The following CTSE variants were observed in gnomAD, a reference collection of about 807,000 sequenced individuals.
CTSE encodes erythrocyte membrane aspartic proteinase.
CTSE carries 43 observed loss-of-function variants against 42.8 expected under a neutral mutation model. The ratio of observed to expected loss-of-function variants is 1.01; its 90% CI spans 0.79 to 1.30. The LOEUF (loss-of-function observed/expected upper bound fraction) is 1.30. Ranked by LOEUF, CTSE falls within the 50% of genes most tolerant of loss-of-function variation. CTSE has a pLI of 0.00. For missense variants in CTSE, 532 were observed against 493.5 expected, an observed-to-expected ratio of 1.08 and a Z score of -0.74; for synonymous variants, 205 against 191.5, an observed-to-expected ratio of 1.07 and a Z score of -0.58.
In CTSE at chr1:206,023,889, C is replaced by T. The variant is rs1294787136; in HGVS notation, c.-98G>A. ...TCCCTAACTCTCAGACCTGCCCAGC[C>T]CAGTCTGAGGGCCGAATGATAAGGC... On this transcript the variant is annotated 5_prime_UTR_variant, in exon 1 of 9. Coordinates refer to ENST00000358184, the MANE Select transcript of CTSE (RefSeq NM_001910.4). 14 of 1,190,364 alleles carry T rather than the reference C, an allele frequency of 1.2e-5. No homozygotes were observed. The South Asian group carries it at 1.6e-4, about 14-fold the overall frequency. The allele number at this position is 1,190,364 out of a possible 1,614,324, so 73.7% of individuals were successfully genotyped here. A position where few individuals can be genotyped will look rare whatever the true frequency, so the allele number is the denominator to read the frequency against.
chr1:206,010,773 G>C (rs188256474), intron 8 of CTSE, among the ~76,000 whole-genome samples: 343 of 152,206 alleles, frequency 2.3e-3, no homozygotes, highest in African/African-American at 7.8e-3. Flanking sequence ...AGAAAGAACT[G>C]TGTTAGTGGC....
intron 4 of CTSE, among the ~76,000 whole-genome samples, chr1:206,019,323 G>T (rs1466635303): frequency 1.3e-5 from 2 of 152,054 alleles, no homozygotes; most frequent in Non-Finnish European, 2.9e-5. Context: ...GAGAAAAAGG[G>T]CCAGTTGGAA....
In CTSE at chr1:206,009,998, A is replaced by AGTGTGTGTGTGTGTATATGT. The variant is rs1362296560; in HGVS notation, c.*165_*184dup. On this transcript the variant is annotated 3_prime_UTR_variant, in exon 9 of 9. Transcript: ENST00000358184. ...TGGTGGGAGTGGTGTGTATGTGTGA[A>AGTGTGTGTGTGTGTATATGT]GTGTGTGTGTGTGTATATGTGTGTG... 11 of 586,938 alleles carry AGTGTGTGTGTGTGTATATGT rather than the reference A, an allele frequency of 1.9e-5. No individual in the cohort carries two copies. The highest frequency in any genetic ancestry group is 3.3e-5 in the Non-Finnish European group (11 of 329,956). The allele number at this position is 586,938 out of a possible 1,614,324, so 36.4% of individuals were successfully genotyped here. A position where few individuals can be genotyped will look rare whatever the true frequency, so the allele number is the denominator to read the frequency against.
chr1:206,012,185 G>T (rs916720555), intron 8 of CTSE, 123 bp downstream of exon 8: 3 of 760,206 alleles, frequency 3.9e-6, no homozygotes, highest in African/African-American at 1.7e-5. Flanking sequence ...TGCCACATGA[G>T]AGCAGAACAA....
Position 206,022,004 on chromosome 1 carries a change from G to A in CTSE, c.343+146C>T, listed in dbSNP as rs1661443048. ...CTATCTCTGCTATAAGCAGTTCCAC[G>A]GCTGACTCAAAGATGGAGAGTGGAA... On this transcript the variant is annotated intron_variant, in intron 3 of 8. Coordinates refer to ENST00000358184, the MANE Select transcript of CTSE (RefSeq NM_001910.4). 13 of 570,402 alleles carry A rather than the reference G, an allele frequency of 2.3e-5. No individual in the cohort carries two copies. The East Asian group carries it at 2.4e-4, about 10-fold the overall frequency. The allele number at this position is 570,402 out of a possible 1,614,324, so 35.3% of individuals were successfully genotyped here.
chr1:206,012,363 G>T lies in CTSE; in HGVS notation c.971C>A (p.Thr324Asn). The T allele has an allele frequency of 6.2e-7, 1 of 1,614,002 alleles. No homozygotes were observed. The highest frequency in any genetic ancestry group is 8.5e-7 in the Non-Finnish European group (1 of 1,179,932). ...ATAGGGGACTCCGTTAATGGTGAAG[G>T]TGACATCCGGCATGACGTTAAGGTT... ...CANLNVMPDVTFTINGVPYTL... is the reference protein window; with the variant it reads ...CANLNVMPDVNFTINGVPYTL... The change falls in exon 8 of 9, where the codon ACC becomes AAC. Residue 324 changes from threonine to asparagine, a missense_variant. Coordinates refer to ENST00000358184, the MANE Select transcript of CTSE (RefSeq NM_001910.4).
chr1:206,023,721 C>T lies in CTSE; in HGVS notation c.68+3G>A. 1.9e-6 allele frequency: 3 copies of T among 1,613,388 alleles called. No homozygotes were observed. Among genetic ancestry groups the T allele is most frequent in the African/African-American group, 1.3e-5 (1 of 75,022 alleles). ...TGAACACAGTGCGGGGACGTCTTCT[C>T]ACCTGTGAAGGGATCCTTGGGCCTC... is the stretch of plus-strand genomic sequence containing the variant. On this transcript the variant is annotated splice_donor_region_variant and intron_variant, in intron 1 of 8. Coordinates refer to ENST00000358184, the MANE Select transcript of CTSE (RefSeq NM_001910.4).
At chr1:206,012,831 GCACA>G (rs557456587) in intron 6 of CTSE, among the ~76,000 whole-genome samples, 182 bp from the exon 7 acceptor site, 2 of 151,868 alleles carry the variant, frequency 1.3e-5, no homozygotes, top group African/African-American at 4.8e-5. Flanking sequence ...TTGACCCAGT[GCACA>G]CACACACACA....
At chr1:206,015,429 C>T (rs1295026012) in intron 5 of CTSE, among the ~76,000 whole-genome samples, 3 of 152,062 alleles carry the variant, frequency 2.0e-5, no homozygotes, top group African/African-American at 7.2e-5. Context: ...AGCATTATGT[C>T]CTCAAGTTTC....
At chr1:206,018,340 G>T (rs1441524923) in intron 4 of CTSE, among the ~76,000 whole-genome samples, 4 of 151,828 alleles carry the variant, frequency 2.6e-5, no homozygotes, top group African/African-American at 9.7e-5. Flanking sequence ...TAGAACTTTT[G>T]CATCTATATT....
At chr1:206,013,625 A>T in intron 6 of CTSE, 147 bp downstream of exon 6, 2 of 983,440 alleles carry the variant, frequency 2.0e-6, no homozygotes, top group Non-Finnish European at 3.0e-6. Context: ...CTTCCTGCAC[A>T]CTTGCTCAGC....
chr1:206,020,447 A>C (rs1410047214), intron 4 of CTSE, among the ~76,000 whole-genome samples: 1 of 151,984 alleles, frequency 6.6e-6, no homozygotes, highest in African/African-American at 2.4e-5. Context: ...CCAGGCATAT[A>C]TTGCTGTCTA....
chr1:206,020,954 C>T, intron 4 of CTSE, 95 bp downstream of exon 4: 1 of 905,634 alleles, frequency 1.1e-6, no homozygotes, highest in Non-Finnish European at 1.8e-6. Context: ...ACCCCTGTTT[C>T]CACCCATTCC....
intron 4 of CTSE, among the ~76,000 whole-genome samples, chr1:206,016,384 A>G (rs1661266473): frequency 1.3e-5 from 2 of 151,894 alleles, no homozygotes; most frequent in Admixed American, 6.5e-5. Context: ...AATAACATAT[A>G]TTGGTTTTGC....
intron 6 of CTSE, among the ~76,000 whole-genome samples, chr1:206,013,401 T>C (rs1571811095): frequency 6.6e-6 from 1 of 152,012 alleles, no homozygotes; most frequent in South Asian, 2.1e-4. Flanking sequence ...GTGGTTTGGG[T>C]GCATCTCATC....
At chr1:206,021,374 G>T in intron 3 of CTSE, 1 of 565,946 alleles carries the variant, frequency 1.8e-6, no homozygotes, top group Non-Finnish European at 3.1e-6. Flanking sequence ...GGACCAAATA[G>T]CTATCCCTGA....
At chr1:206,021,252 A>T in intron 3 of CTSE, 85 bp from the exon 4 acceptor site, 2 of 1,066,214 alleles carry the variant, frequency 1.9e-6, no homozygotes, top group Non-Finnish European at 2.9e-6. Flanking sequence ...CCACAGCGGC[A>T]GGGTCTCTTC....
intron 8 of CTSE, among the ~76,000 whole-genome samples, 164 bp downstream of exon 8, chr1:206,012,144 C>T (rs1553277032): frequency 6.6e-6 from 1 of 152,108 alleles, no homozygotes. Flanking sequence ...GGTCTTTCCA[C>T]CACAGGCAGC....
chr1:206,018,136 C>T (rs1661313069), intron 4 of CTSE, among the ~76,000 whole-genome samples: 1 of 151,928 alleles, frequency 6.6e-6, no homozygotes, highest in Non-Finnish European at 1.5e-5. Flanking sequence ...AAGGGAGTTA[C>T]TTTCTACTCC....
Sources: gnomAD v4.1 joint callset for allele counts (sites outside exome capture counted in the v4.1 genomes callset) on GRCh38, gnomAD v4.1.1 for gene constraint, MANE v1.5 for transcripts, NCBI Gene and HGNC (gene_info 2026-07-23, HGNC 2026-07-21) for gene names.